Variants in POU6F2 observed in about 807,000 individuals in gnomAD.
POU6F2 encodes POU class 6 homeobox 2, also known as POU domain, class 6, transcription factor 2.
A neutral mutation model predicts 71.3 loss-of-function variants in POU6F2; 31 were observed. The observed-to-expected ratio is 0.43, with a 90% CI of 0.33 to 0.59. POU6F2 has a LOEUF of 0.59. Among genes scored for constraint, POU6F2 ranks in the 20% least tolerant of loss-of-function variants. The probability of loss-of-function intolerance (pLI) is 0.04; values close to 1 mark genes in which losing one functional copy is unlikely to be tolerated. For missense variants in POU6F2, 783 were observed against 856.8 expected (o/e 0.91, Z 1.07); for synonymous variants, 347 against 355.7 (o/e 0.98, Z 0.27).
chr7:39,397,816 A>G (rs1020028357), intron 5 of POU6F2, among the ~76,000 whole-genome samples: 12 of 140,898 alleles, frequency 8.5e-5, no homozygotes, highest in South Asian at 2.2e-4. Flanking sequence ...TATTTTGTGT[A>G]TATATATATA....
rs1789126170 is a variant in POU6F2 at position 39,468,477 on chromosome 7, A to AAC, written c.*3792_*3793insCA. 1 of 152,114 alleles carries AAC rather than the reference A, an allele frequency of 6.6e-6. No homozygotes were observed. Among genetic ancestry groups the AAC allele is most frequent in the Non-Finnish European group, 1.5e-5 (1 of 68,008 alleles). The allele number at this position is 152,114 out of a possible 1,614,324, so 9.4% of individuals were successfully genotyped here. ...GTTGCTTAATATTTAAAAAAAAAAA[A>AAC]AACTGTACTTAATCTAGAGCAATAT... is the stretch of plus-strand genomic sequence containing the variant. On this transcript the variant is annotated 3_prime_UTR_variant, in exon 10 of 10. Coordinates refer to ENST00000518318, the MANE Select transcript of POU6F2 (RefSeq NM_001370959.1).
intron 1 of POU6F2, among the ~76,000 whole-genome samples, chr7:39,063,721 C>T (rs1790702632): frequency 6.6e-6 from 1 of 151,832 alleles, no homozygotes. Flanking sequence ...ATATCTTGGT[C>T]ATTTTTTTTA....
chr7:39,322,300 T>G (rs1051920496), intron 4 of POU6F2, among the ~76,000 whole-genome samples: 11 of 152,212 alleles, frequency 7.2e-5, no homozygotes, highest in African/African-American at 2.7e-4. Flanking sequence ...TTCCGCCGCC[T>G]GCTCACTCAA....
In POU6F2 at chr7:39,311,253, T is replaced by C. The variant is rs754217863; in HGVS notation, c.599-28389T>C. On this transcript the variant is annotated intron_variant, in intron 4 of 9. Transcript: ENST00000518318. The stretch of plus-strand genomic sequence containing the variant: ...GAGTGGTCACATTGGGTACATGTTA[T>C]ACAGGCAAAAAGCAGCCAGGTTCTA... Among the ~76,000 whole-genome samples, 173 of 150,180 alleles carry C rather than the reference T, an allele frequency of 1.2e-3. 1 individual carries two copies. Among genetic ancestry groups the C allele is most frequent in the Non-Finnish European group, 1.5e-3 (99 of 67,586 alleles).
At chr7:39,276,818 C>T (rs558609770) in intron 4 of POU6F2, among the ~76,000 whole-genome samples, 9 of 150,914 alleles carry the variant, frequency 6.0e-5, no homozygotes, top group African/African-American at 1.7e-4. Context: ...AACCAAACAC[C>T]GCATGTTCTC....
At chr7:39,455,915 ACAT>A (rs1327322444) in intron 8 of POU6F2, among the ~76,000 whole-genome samples, 1 of 152,160 alleles carries the variant, frequency 6.6e-6, no homozygotes, top group African/African-American at 2.4e-5. Context: ...GATTTTGGAA[ACAT>A]CATCATTATG....
At chr7:39,025,324 C>G (rs1789775176) in intron 1 of POU6F2, among the ~76,000 whole-genome samples, 1 of 152,164 alleles carries the variant, frequency 6.6e-6, no homozygotes. Context: ...AAGCTGGAGG[C>G]ATCACGCTAC....
intron 2 of POU6F2, among the ~76,000 whole-genome samples, chr7:39,087,849 T>A (rs1268343943): frequency 6.6e-6 from 1 of 152,188 alleles, no homozygotes; most frequent in Non-Finnish European, 1.5e-5. Context: ...TGTTTAGGGT[T>A]CCCAGTGTTG....
At chr7:39,185,798 CATATATATATGT>C (rs1562737886) in intron 2 of POU6F2, among the ~76,000 whole-genome samples, 1 of 141,266 alleles carries the variant, frequency 7.1e-6, no homozygotes, top group Non-Finnish European at 1.5e-5. Context: ...ACTTGGTATA[CATATATATATGT>C]ATATGTATAT....
chr7:39,218,538 ACTTCAT>A (rs953469811), intron 4 of POU6F2, among the ~76,000 whole-genome samples: 14 of 152,264 alleles, frequency 9.2e-5, no homozygotes, highest in African/African-American at 3.4e-4. Context: ...GAAAAGCTAA[ACTTCAT>A]TTCCTCCTAT....
intron 2 of POU6F2, among the ~76,000 whole-genome samples, chr7:39,113,481 T>C (rs1320913319): frequency 6.6e-6 from 1 of 152,064 alleles, no homozygotes; most frequent in Non-Finnish European, 1.5e-5. Flanking sequence ...GGAAATGACA[T>C]AATCAAGGAA....
chr7:39,294,033 A>G lies in POU6F2; in HGVS notation c.599-45609A>G, dbSNP rs190240826. On this transcript the variant is annotated intron_variant, in intron 4 of 9. Transcript: ENST00000518318. Reference sequence around the variant, plus strand: ...CTTTTGGTATTAAAATTGAGAGGCAATTTGTTAATAGCATTTATTAGTTGT... The same window carrying G: ...CTTTTGGTATTAAAATTGAGAGGCAGTTTGTTAATAGCATTTATTAGTTGT... Among the ~76,000 whole-genome samples, 411 of 152,212 alleles carry G rather than the reference A, an allele frequency of 2.7e-3. 3 individuals carry two copies. The highest frequency in any genetic ancestry group is 8.7e-3 in the African/African-American group (362 of 41,546).
intron 2 of POU6F2, among the ~76,000 whole-genome samples, chr7:39,166,339 T>C (rs1028701197): frequency 6.6e-6 from 1 of 152,208 alleles, no homozygotes; most frequent in East Asian, 1.9e-4. Flanking sequence ...TCACAGTCCA[T>C]TTTACATATT....
At chr7:39,369,911 G>C (rs1246162217) in intron 5 of POU6F2, among the ~76,000 whole-genome samples, 2 of 151,194 alleles carry the variant, frequency 1.3e-5, no homozygotes, top group South Asian at 2.1e-4. Context: ...CCAGGCTGGC[G>C]TCAAACTCCT....
At chr7:39,304,883 TG>T (rs1401820074) in intron 4 of POU6F2, among the ~76,000 whole-genome samples, 2 of 152,198 alleles carry the variant, frequency 1.3e-5, no homozygotes, top group African/African-American at 4.8e-5. Context: ...CACCAGAGTG[TG>T]GTAATAAATT....
chr7:39,082,351 T>C (rs1182462297), intron 1 of POU6F2, among the ~76,000 whole-genome samples: 2 of 152,216 alleles, frequency 1.3e-5, no homozygotes, highest in Non-Finnish European at 2.9e-5. Context: ...TCGGGATTGA[T>C]AAATGAATTG....
chr7:39,392,842 A>G (rs1160801622), intron 5 of POU6F2, among the ~76,000 whole-genome samples: 1 of 152,224 alleles, frequency 6.6e-6, no homozygotes, highest in Non-Finnish European at 1.5e-5. Flanking sequence ...GTTTCTGCTC[A>G]TAAGTGCACA....
rs555124817 is a variant in POU6F2 at position 39,390,844 on chromosome 7, G to GT, written c.973-15750dup. ...GCTGAACAGGGTTTTCTTGTTTTTT[G>GT]TTTTTTGGTTTTTTTTTTTACCTGT... On this transcript the variant is annotated intron_variant, in intron 5 of 9. Transcript: ENST00000518318. 4.3e-4 allele frequency among the ~76,000 whole-genome samples: 65 copies of GT among 151,266 alleles called. 1 individual carries two copies. The South Asian group carries it at 0.011, about 25-fold the overall frequency.
chr7:39,383,894 A>G (rs1346492877), intron 5 of POU6F2, among the ~76,000 whole-genome samples: 1 of 152,214 alleles, frequency 6.6e-6, no homozygotes, highest in Non-Finnish European at 1.5e-5. Flanking sequence ...CCTATCTCTC[A>G]GCATTGCTGT....
Sources: allele counts gnomAD v4.1 joint callset (sites outside exome capture counted in the v4.1 genomes callset), GRCh38; gene constraint gnomAD v4.1.1; transcripts MANE v1.5; gene names NCBI Gene and HGNC (gene_info 2026-07-23, HGNC 2026-07-21).